PCID2: variants seen among roughly 807,000 people sequenced by gnomAD.
The protein encoded by PCID2 is PCI domain containing 2.
PCID2 carries 41 observed loss-of-function variants against 61.3 expected under a neutral mutation model. That is an observed-to-expected ratio of 0.67 (90% CI 0.52 to 0.87). The LOEUF (loss-of-function observed/expected upper bound fraction) is 0.87, where lower values mean the gene tolerates loss of function less well. PCID2 is among the 40% of genes least tolerant of loss of function. The pLI is 0.00. For missense variants in PCID2, 392 were observed against 493.4 expected (o/e 0.79, Z 1.95); for synonymous variants, 187 against 177.8 (o/e 1.05, Z -0.41).
intron 6 of PCID2, among the ~76,000 whole-genome samples, chr13:113,193,580 AGTTAT>A: frequency 6.6e-6 from 1 of 152,336 alleles, no homozygotes; most frequent in South Asian, 2.1e-4. Context: ...TTAAAAAGTC[AGTTAT>A]GTTACATGTA....
chr13:113,166,745 A>T, the PCID2 span, among the ~76,000 whole-genome samples: 1 of 152,130 alleles, frequency 6.6e-6, no homozygotes, highest in Non-Finnish European at 1.5e-5. Context: ...TGTCTGCCCC[A>T]TGAGTGCGCT....
intron 5 of PCID2, among the ~76,000 whole-genome samples, chr13:113,195,629 T>G (rs1009763564): frequency 2.6e-5 from 4 of 151,354 alleles, no homozygotes; most frequent in African/African-American, 4.9e-5. Context: ...ACTGCGCCAC[T>G]GCACTCCAGC....
At chr13:113,196,427 A>G (rs2039021992) in intron 4 of PCID2, among the ~76,000 whole-genome samples, 1 of 152,250 alleles carries the variant, frequency 6.6e-6, no homozygotes, top group Non-Finnish European at 1.5e-5. Context: ...TACTAAATAC[A>G]CTTATTTCAT....
rs1183747597 is a variant in PCID2, at chr13:113,196,177, T to C, written c.308+4A>G. On this transcript the variant is annotated splice_donor_region_variant and intron_variant, in intron 5 of 13. Coordinates refer to ENST00000337344, the MANE Select transcript of PCID2 (RefSeq NM_001127202.4). ...CTAATTCAGCTGTTTCTGTTCACAC[T>C]TACCAGTTTTCTTCTTTGTGGGCCT... 6.2e-7 allele frequency: 1 copy of C among 1,604,294 alleles called. No homozygotes were observed. Among genetic ancestry groups the C allele is most frequent in the Non-Finnish European group, 8.5e-7 (1 of 1,172,314 alleles).
intron 1 of PCID2, chr13:113,208,134 G>A: frequency 3.1e-6 from 5 of 1,606,332 alleles, no homozygotes; most frequent in Non-Finnish European, 3.4e-6. Context: ...GCACGAGCCC[G>A]GCCTGCAGCA....
chr13:113,207,910 T>C (rs2040022518), intron 1 of PCID2: 2 of 933,240 alleles, frequency 2.1e-6, no homozygotes, highest in Non-Finnish European at 3.5e-6. Flanking sequence ...ATTCCCTATA[T>C]TTCCTATCCC....
the PCID2 span, chr13:113,172,228 C>T: frequency 5.1e-6 from 7 of 1,374,300 alleles, no homozygotes; most frequent in Admixed American, 2.0e-5. Flanking sequence ...CCCAGACCAC[C>T]CGCTTGGCCC....
downstream of PCID2, among the ~76,000 whole-genome samples, chr13:113,175,941 G>A (rs1264241896): frequency 6.6e-6 from 1 of 152,250 alleles, no homozygotes; most frequent in Non-Finnish European, 1.5e-5. Context: ...AGCTCCAGGT[G>A]AGAGCCCGGG....
chr13:113,198,680 G>A (rs2039200725), intron 2 of PCID2, among the ~76,000 whole-genome samples: 1 of 152,134 alleles, frequency 6.6e-6, no homozygotes, highest in Non-Finnish European at 1.5e-5. Context: ...ACTACAGCCT[G>A]GGTGACAGAG....
At chr13:113,183,814 G>A (rs2037858406) in intron 9 of PCID2, 1 of 984,606 alleles carries the variant, frequency 1.0e-6, no homozygotes, top group Middle Eastern at 5.2e-4. Context: ...ATAGTGTCAG[G>A]TGTGGCAGCG....
At chr13:113,183,829 G>C in intron 9 of PCID2, 1 of 985,052 alleles carries the variant, frequency 1.0e-6, no homozygotes, top group Non-Finnish European at 1.2e-6. Flanking sequence ...GCAGCGACAC[G>C]CCGTGCGAGG....
intron 1 of PCID2, chr13:113,208,062 C>A (rs1566995999): frequency 1.2e-6 from 2 of 1,612,808 alleles, no homozygotes; most frequent in East Asian, 2.2e-5. Flanking sequence ...ATGTACCGAG[C>A]GATATGAAGT....
At chr13:113,196,414 G>A (rs1245204036) in intron 4 of PCID2, among the ~76,000 whole-genome samples, 192 bp from the exon 5 acceptor site, 1 of 152,134 alleles carries the variant, frequency 6.6e-6, no homozygotes, top group Non-Finnish European at 1.5e-5. Flanking sequence ...TTAGGCTCAA[G>A]TATACTAAAT....
downstream of PCID2, among the ~76,000 whole-genome samples, chr13:113,174,266 C>T (rs2037157529): frequency 6.6e-6 from 1 of 151,162 alleles, no homozygotes; most frequent in Non-Finnish European, 1.5e-5. Flanking sequence ...ACTTCAAACA[C>T]AGCTGGGCAG....
the PCID2 span, chr13:113,170,506 C>A: frequency 6.3e-7 from 1 of 1,590,210 alleles, no homozygotes; most frequent in South Asian, 1.1e-5. Flanking sequence ...TTCACTGTTA[C>A]ACAGGAATAT....
chr13:113,176,717 T>C (rs1327015018), downstream of PCID2, among the ~76,000 whole-genome samples: 1 of 152,114 alleles, frequency 6.6e-6, no homozygotes, highest in Non-Finnish European at 1.5e-5. Flanking sequence ...AAGCACTGAC[T>C]GCACTGCCGC....
chr13:113,175,624 T>C (rs1333518077), downstream of PCID2, among the ~76,000 whole-genome samples: 1 of 152,198 alleles, frequency 6.6e-6, no homozygotes, highest in Non-Finnish European at 1.5e-5. Flanking sequence ...GTTTGCTCCG[T>C]GTCTGCCCCA....
the PCID2 span, chr13:113,171,965 A>T: frequency 6.2e-7 from 1 of 1,613,524 alleles, no homozygotes; most frequent in South Asian, 1.1e-5. The surrounding 1 kb of genome is among the most constrained non-coding windows in gnomAD (Gnocchi z 5.1). Flanking sequence ...GATGGATGGA[A>T]GTGTGGTCAC....
intron 8 of PCID2, 140 bp from the exon 9 acceptor site, chr13:113,184,627 A>C: frequency 1.6e-6 from 1 of 606,278 alleles, no homozygotes; most frequent in Non-Finnish European, 2.9e-6. Flanking sequence ...TAAAACCAAA[A>C]CAGAGAGCAG....
Sources: gnomAD v4.1 joint callset for allele counts (sites outside exome capture counted in the v4.1 genomes callset) on GRCh38, gnomAD v4.1.1 for gene constraint, Gnocchi (gnomAD v3.1) non-coding constraint, MANE v1.5 for transcripts, NCBI Gene and HGNC (gene_info 2026-07-23, HGNC 2026-07-21) for gene names.